The following PFKM variants were observed in gnomAD, a reference collection of about 807,000 sequenced individuals.
PFKM encodes the protein ATP-dependent 6-phosphofructokinase, muscle type.
Under a neutral mutation model 95.5 loss-of-function variants are expected in PFKM, and 58 were observed. The observed-to-expected ratio is 0.61, with a 90% CI of 0.49 to 0.76. The LOEUF (loss-of-function observed/expected upper bound fraction) is 0.76, where lower values mean the gene tolerates loss of function less well. PFKM is among the 30% of genes least tolerant of loss of function. PFKM has a pLI of 0.00. For missense variants in PFKM, 678 were observed against 1,005.4 expected (o/e 0.67, Z 4.40); for synonymous variants, 336 against 357.2 (o/e 0.94, Z 0.67).
chr12:48,121,290 T>C lies in PFKM; in HGVS notation c.-8-1477T>C, dbSNP rs191796975. ...CACTAAAGTGGGAAGAGCAAAGTAA[T>C]GTTCAGGTGACAATGGAGCAGAGAA... On this transcript the variant is annotated intron_variant, in intron 1 of 22. Transcript: ENST00000359794. Among the ~76,000 whole-genome samples the C allele has an allele frequency of 2.8e-4, 42 of 152,294 alleles. No homozygotes were observed. In the East Asian group the frequency reaches 7.1e-3, roughly 26 times the overall value.
In PFKM at chr12:48,142,808, A is replaced by G; in HGVS notation, c.1680A>G (p.Ala560=). Residue 560 remains alanine, a synonymous_variant, in exon 18 of 23, where the codon GCA becomes GCG. Coordinates refer to ENST00000359794, the MANE Select transcript of PFKM (RefSeq NM_000289.6). ...CTTCDRIKQS[A]AGTKRRVFII... ...CCTGTGACCGCATCAAGCAGTCAGC[A>G]GCTGGCACCAAGCGTCGGGTGTTTA... 6.2e-7 allele frequency: 1 copy of G among 1,614,178 alleles called. No individual in the cohort carries two copies. Among genetic ancestry groups the G allele is most frequent in the Non-Finnish European group, 8.5e-7 (1 of 1,180,026 alleles).
In PFKM at chr12:48,130,415, C is replaced by G. The variant is rs1413157674; in HGVS notation, c.138C>G (p.Ala46=). 1 of 1,613,346 alleles carries G rather than the reference C, an allele frequency of 6.2e-7. No homozygotes were observed. The highest frequency in any genetic ancestry group is 8.5e-7 in the Non-Finnish European group (1 of 1,179,296). Residue 46 remains alanine (A), a synonymous_variant, in exon 3 of 23, where the codon GCC becomes GCG. Transcript: ENST00000359794. ...AVVRVGIFTG[A]RVFFVHEGYQ... Reference sequence around the variant, plus strand: ...TTCGAGTTGGTATCTTCACCGGTGCCCGTGTCTTCTTTGTCCATGAGGTTG... The same window carrying G: ...TTCGAGTTGGTATCTTCACCGGTGCGCGTGTCTTCTTTGTCCATGAGGTTG...
At chr12:48,139,371 C>T in intron 12 of PFKM, 22 bp downstream of exon 12, 1 of 1,595,528 alleles carries the variant, frequency 6.3e-7, no homozygotes, top group Non-Finnish European at 8.6e-7. Flanking sequence ...ACGGGAAGCT[C>T]ACTAGCTACA....
At chr12:48,119,449 A>G in intron 1 of PFKM, 43 bp downstream of exon 1, 1 of 981,520 alleles carries the variant, frequency 1.0e-6, no homozygotes. Context: ...GAGAGCTGGG[A>G]GTGAGGTGGG....
exon 2 of PFKM, chr12:48,107,447 A>T (rs772071909): frequency 5.7e-6 from 9 of 1,590,686 alleles, no homozygotes; most frequent in Admixed American, 1.7e-5. Context: ...AGGACTCCTC[A>T]GAGAACAGGT....
At chr12:48,112,832 G>C (rs1947326773) in intron 3 of PFKM, among the ~76,000 whole-genome samples, 2 of 152,166 alleles carry the variant, frequency 1.3e-5, no homozygotes, top group Non-Finnish European at 2.9e-5. Flanking sequence ...TAACAGGTGA[G>C]TGATAACAGG....
rs767549001 is a variant in PFKM at position 48,134,912 on chromosome 12, A to G, written c.748-31A>G. On this transcript the variant is annotated intron_variant, in intron 8 of 22. Coordinates refer to ENST00000359794, the MANE Select transcript of PFKM (RefSeq NM_000289.6). ...CTTTCCCACCCATCAGCTTCATTCC[A>G]TGGACCATTTTACCCTTTGTTCTCA... 3.4e-5 allele frequency: 55 copies of G among 1,601,902 alleles called. No homozygotes were observed. The East Asian group carries it at 1.1e-3, about 33-fold the overall frequency.
intron 3 of PFKM, among the ~76,000 whole-genome samples, chr12:48,110,492 A>G (rs549723780): frequency 4.9e-4 from 74 of 152,286 alleles, no homozygotes; most frequent in African/African-American, 1.7e-3. Context: ...TCTCACCTCT[A>G]GGCAATGCAT....
chr12:48,111,897 G>A (rs1298139368), intron 3 of PFKM, among the ~76,000 whole-genome samples: 4 of 152,152 alleles, frequency 2.6e-5, no homozygotes, highest in East Asian at 1.9e-4. Flanking sequence ...TGCATCAGGT[G>A]TAAGGAAGAA....
At chr12:48,106,332 A>G (rs1349419126) in intron 1 of PFKM, 17 of 561,796 alleles carry the variant, frequency 3.0e-5, no homozygotes, top group South Asian at 2.1e-4. Flanking sequence ...CCTTCGTCCT[A>G]TGCTTTTCTC....
In PFKM at chr12:48,132,851, T is replaced by A. The variant is rs377146498; in HGVS notation, c.238-17T>A. ...TGAGCCCTGTCTCTGGGGAGCTGAC[T>A]TCTACCTCTTCCAAAGGGAGGCACG... On this transcript the variant is annotated splice_polypyrimidine_tract_variant and intron_variant, in intron 4 of 22. Coordinates refer to ENST00000359794, the MANE Select transcript of PFKM (RefSeq NM_000289.6). 225 of 1,601,996 alleles carry A rather than the reference T, an allele frequency of 1.4e-4. No homozygotes were observed. Among genetic ancestry groups the A allele is most frequent in the Non-Finnish European group, 1.8e-4 (211 of 1,173,596 alleles).
intron 4 of PFKM, 78 bp from the exon 5 acceptor site, chr12:48,132,790 C>A: frequency 8.2e-7 from 1 of 1,217,556 alleles, no homozygotes; most frequent in Non-Finnish European, 1.2e-6. Flanking sequence ...TATGTTAGGC[C>A]ATCACAGCAT....
chr12:48,135,773 A>G (rs570413677), intron 10 of PFKM, among the ~76,000 whole-genome samples: 5 of 152,320 alleles, frequency 3.3e-5, no homozygotes, highest in Non-Finnish European at 7.3e-5. Context: ...TATCATCACC[A>G]GGATATTGAC....
At chr12:48,141,659 A>T in intron 15 of PFKM, 81 bp from the exon 16 acceptor site, 1 of 1,076,162 alleles carries the variant, frequency 9.3e-7, no homozygotes, top group Non-Finnish European at 1.4e-6. Flanking sequence ...CTCTAACTCT[A>T]GCTTTTCTCC....
intron 2 of PFKM, chr12:48,107,496 G>T (rs1281468347): frequency 7.7e-7 from 1 of 1,297,964 alleles, no homozygotes; most frequent in East Asian, 2.3e-5. Context: ...ACAGAGAATG[G>T]GTTCTCTCAC....
At chr12:48,143,273 T>C (rs1417802552) in intron 18 of PFKM, among the ~76,000 whole-genome samples, 1 of 152,240 alleles carries the variant, frequency 6.6e-6, no homozygotes, top group Admixed American at 6.5e-5. Flanking sequence ...TAAAAAACTT[T>C]TCTAAACTCC....
rs2135919001 is a variant in PFKM, at chr12:48,134,939, C to T, written c.748-4C>T. 6.2e-7 allele frequency: 1 copy of T among 1,613,078 alleles called. No individual in the cohort carries two copies. Among genetic ancestry groups the T allele is most frequent in the Non-Finnish European group, 8.5e-7 (1 of 1,179,052 alleles). On this transcript the variant is annotated splice_polypyrimidine_tract_variant and splice_region_variant and intron_variant, in intron 8 of 22. Coordinates refer to ENST00000359794, the MANE Select transcript of PFKM (RefSeq NM_000289.6). The stretch of plus-strand genomic sequence containing the variant: ...GGACCATTTTACCCTTTGTTCTCAA[C>T]CAGACAAGGACCCGTGGTTCTCGTC...
chr12:48,132,515 C>T (rs1020052658), intron 4 of PFKM, among the ~76,000 whole-genome samples: 14 of 152,202 alleles, frequency 9.2e-5, no homozygotes, highest in Non-Finnish European at 4.4e-5. Context: ...GGGAGAATTT[C>T]TAAAGACTGA....
At chr12:48,122,953 C>G in intron 2 of PFKM, 94 bp downstream of exon 2, 1 of 1,299,608 alleles carries the variant, frequency 7.7e-7, no homozygotes, top group Non-Finnish European at 1.1e-6. Context: ...TCTGTAGGTT[C>G]ACGGGAATTT....
Sources: allele counts gnomAD v4.1 joint callset (sites outside exome capture counted in the v4.1 genomes callset), GRCh38; gene constraint gnomAD v4.1.1; transcripts MANE v1.5; gene names NCBI Gene and HGNC (gene_info 2026-07-23, HGNC 2026-07-21).